The following NRXN2 variants were observed in gnomAD, a reference collection of about 807,000 sequenced individuals.
The protein encoded by NRXN2 is neurexin-2-beta.
NRXN2 carries 29 observed loss-of-function variants against 128.8 expected under a neutral mutation model. The observed-to-expected ratio is 0.23, with a 90% CI of 0.17 to 0.31. The LOEUF is 0.31. NRXN2 is among the 10% of genes least tolerant of loss of function. The pLI is 1.00. For missense variants in NRXN2, 1,881 were observed against 2,452.6 expected, an observed-to-expected ratio of 0.77 and a Z score of 4.92; for synonymous variants, 1,098 against 1,075.2, an observed-to-expected ratio of 1.02 and a Z score of -0.41.
At chr11:64,672,676 C>A (rs1237453551) in intron 7 of NRXN2, among the ~76,000 whole-genome samples, 1 of 152,064 alleles carries the variant, frequency 6.6e-6, no homozygotes, top group Non-Finnish European at 1.5e-5. Flanking sequence ...GTCCTGGCAT[C>A]CCCTTAGGAT....
At position 64,667,382 on chromosome 11, in the gene NRXN2, T is replaced by C; in HGVS notation, c.1666A>G (p.Met556Val). 1.2e-6 allele frequency: 2 copies of C among 1,614,144 alleles called. No homozygotes were observed. Among genetic ancestry groups the C allele is most frequent in the South Asian group, 1.1e-5 (1 of 91,084 alleles). ...SSAQRADYFA[M>V]ELLDGHLYLL... ...TAGAGGTGGCCGTCCAATAGCTCCATGGCAAAGTAGTCGGCCCGCTGAGCA... is the reference window on the plus strand; with the variant it reads ...TAGAGGTGGCCGTCCAATAGCTCCACGGCAAAGTAGTCGGCCCGCTGAGCA... The change falls in exon 9 of 23, where the codon ATG becomes GTG. Residue 556 changes from methionine (M) to valine (V), a missense_variant. Physicochemically the swap from Met to Val is conservative, Grantham distance 21 (BLOSUM62 1). This residue lies in a region of NRXN2 where 997 missense variants were observed against 1,240.8 expected (regional missense o/e 0.80). Coordinates refer to ENST00000265459, the MANE Select transcript of NRXN2 (RefSeq NM_015080.4). The surrounding 1 kb of genome is among the most constrained non-coding windows in gnomAD (Gnocchi z 5.6).
chr11:64,702,077 T>C (rs2055521220), intron 2 of NRXN2, among the ~76,000 whole-genome samples: 1 of 132,774 alleles, frequency 7.5e-6, no homozygotes, highest in Non-Finnish European at 1.6e-5. Context: ...CCGCCCCTAC[T>C]GGGAAGTGAG....
At chr11:64,642,664 G>T (rs1023055351) in intron 17 of NRXN2, 1 of 1,574,902 alleles carries the variant, frequency 6.3e-7, no homozygotes. Context: ...CCCCTCGGCC[G>T]CCCCCAGCAG....
At chr11:64,683,334 T>C (rs980372657) in intron 6 of NRXN2, among the ~76,000 whole-genome samples, 9 of 152,084 alleles carry the variant, frequency 5.9e-5, no homozygotes, top group South Asian at 2.1e-4. Flanking sequence ...AGAAACTTGA[T>C]TGAGGCCAGG....
At chr11:64,676,924 G>C in intron 7 of NRXN2, 69 bp downstream of exon 7, 2 of 1,304,942 alleles carry the variant, frequency 1.5e-6, no homozygotes, top group Non-Finnish European at 2.2e-6. Flanking sequence ...GGAAACAAAA[G>C]AGGGAGAATC....
Position 64,607,352 on chromosome 11 carries a change from G to A in NRXN2, c.4983C>T (p.Arg1661=). 2 of 1,613,960 alleles carry A rather than the reference G, an allele frequency of 1.2e-6. No individual in the cohort carries two copies. Among genetic ancestry groups the A allele is most frequent in the Non-Finnish European group, 1.7e-6 (2 of 1,179,976 alleles). Residue 1661 remains arginine (R), a synonymous_variant, in exon 23 of 23, where the codon CGC becomes CGT. Transcript: ENST00000265459. ...CCTGGTAGGAGCCCTCATCACGATT[G>A]CGGTACTTATACATGGCGTAGAGGA... ...LILLYAMYKY[R]NRDEGSYQVD...
Position 64,643,342 on chromosome 11 carries a change from A to T in NRXN2, c.3403+4877T>A, listed in dbSNP as rs2046060379. 4 of 795,068 alleles carry T rather than the reference A, an allele frequency of 5.0e-6. No homozygotes were observed. The South Asian group carries it at 2.4e-4, about 48-fold the overall frequency. The allele number at this position is 795,068 out of a possible 1,614,324, so 49.3% of individuals were successfully genotyped here. ...CTGCCGCCCGACGGAGGCCGGGGGA[A>T]AGGAGGGAGCGGCCGGGGGAGGGGG... On this transcript the variant is annotated intron_variant, in intron 17 of 22. Coordinates refer to ENST00000265459, the MANE Select transcript of NRXN2 (RefSeq NM_015080.4).
At chr11:64,668,235 T>G (rs777753269) in intron 8 of NRXN2, among the ~76,000 whole-genome samples, 1 of 152,146 alleles carries the variant, frequency 6.6e-6, no homozygotes, top group Non-Finnish European at 1.5e-5. Context: ...TCTATGAGGA[T>G]AGGGGTTTCC....
intron 2 of NRXN2, among the ~76,000 whole-genome samples, chr11:64,699,981 G>A (rs1402079311): frequency 6.6e-6 from 1 of 152,194 alleles, no homozygotes; most frequent in Non-Finnish European, 1.5e-5. Flanking sequence ...CTATGCTCAG[G>A]AAGGTGAAAC....
intron 22 of NRXN2, among the ~76,000 whole-genome samples, chr11:64,613,433 G>A (rs2040983702): frequency 6.6e-6 from 1 of 152,244 alleles, no homozygotes; most frequent in South Asian, 2.1e-4. Context: ...CCTTCTCCTG[G>A]GAAGCAAGAC....
Position 64,667,537 on chromosome 11 carries a change from A to C in NRXN2, c.1511T>G (p.Val504Gly). 6.2e-7 allele frequency: 1 copy of C among 1,614,144 alleles called. No homozygotes were observed. Among genetic ancestry groups the C allele is most frequent in the Middle Eastern group, 1.6e-4 (1 of 6,062 alleles). The change falls in exon 9 of 23, where the codon GTG becomes GGG. Residue 504 changes from valine (V) to glycine (G), a missense_variant. Transcript: ENST00000265459. The surrounding 1 kb of genome is among the most constrained non-coding windows in gnomAD (Gnocchi z 5.6). ...CTTAGCGCTCCAGCGGGGCAGCGCC[A>C]CAAAGGCCTCGGGACTCTCAAAGGT... The part of the protein sequence containing the change: ...PVTFESPEAF[V>G]ALPRWSAKRT...
rs1040610334 is a variant in NRXN2, at chr11:64,679,636, C to CA, written c.1153-2600dup. Among the ~76,000 whole-genome samples the CA allele has an allele frequency of 5.4e-4, 74 of 136,162 alleles. No homozygotes were observed. The East Asian group carries it at 5.7e-3, about 10-fold the overall frequency. 89.3% of individuals were successfully genotyped at this position (136,162 alleles called of 152,430 possible). On this transcript the variant is annotated intron_variant, in intron 6 of 22. Transcript: ENST00000265459. ...TGGGTGACAGAGCGAGACTCTGTCT[C>CA]AAAAAAAAAAAGAATCAGGATTGAG...
In NRXN2 at chr11:64,711,552, C is replaced by G. The variant is rs1033046067; in HGVS notation, c.730+1418G>C. Among the ~76,000 whole-genome samples the G allele has an allele frequency of 2.6e-5, 4 of 152,084 alleles. 1 individual carries two copies. The highest frequency in any genetic ancestry group is 5.9e-5 in the Non-Finnish European group (4 of 68,002). On this transcript the variant is annotated intron_variant, in intron 2 of 22. Transcript: ENST00000265459. ...CAGCCCAGGACCCGCCCGCACTTCA[C>G]CACTTCACGGTCTTGGCCAGACTCT...
chr11:64,647,832 T>C (rs2046928836), intron 17 of NRXN2, among the ~76,000 whole-genome samples: 1 of 152,240 alleles, frequency 6.6e-6, no homozygotes, highest in Non-Finnish European at 1.5e-5. Flanking sequence ...CCCTGTGCAA[T>C]AGTGTGTCTG....
At chr11:64,666,799 C>T (rs895962635) in intron 9 of NRXN2, among the ~76,000 whole-genome samples, 1 of 151,584 alleles carries the variant, frequency 6.6e-6, no homozygotes, top group Admixed American at 6.6e-5. Flanking sequence ...TCCTGACCTC[C>T]TGATCTGCCC....
Position 64,661,031 on chromosome 11 carries a change from C to T in NRXN2, c.1907G>A (p.Arg636Gln), listed in dbSNP as rs573064828. Reference protein sequence around the residue: ...LYLGGLPEGGRVDLPLPPEVW... With the variant: ...LYLGGLPEGGQVDLPLPPEVW... The stretch of plus-strand genomic sequence containing the variant: ...CTCTGGGGGCAGGGGCAGGTCCACC[C>T]GGCCCCCCTCAGGGAGACCGCCCAG... The change falls in exon 10 of 23, where the codon CGG becomes CAG. Residue 636 changes from arginine (R) to glutamine (Q), a missense_variant. Arg to Gln is a conservative substitution (Grantham distance 43). Transcript: ENST00000265459. 1.1e-5 allele frequency: 18 copies of T among 1,613,512 alleles called. No homozygotes were observed. The highest frequency in any genetic ancestry group is 7.7e-5 in the South Asian group (7 of 91,078).
intron 17 of NRXN2, among the ~76,000 whole-genome samples, chr11:64,637,686 C>T (rs1436922796): frequency 6.6e-6 from 1 of 152,128 alleles, no homozygotes; most frequent in Non-Finnish European, 1.5e-5. Flanking sequence ...CAGGGCCTCC[C>T]ATTCAGAGAA....
At chr11:64,693,224 G>T (rs1478124386) in intron 3 of NRXN2, among the ~76,000 whole-genome samples, 1 of 150,666 alleles carries the variant, frequency 6.6e-6, no homozygotes, top group Non-Finnish European at 1.5e-5. Context: ...AGGAGATTTT[G>T]GTTTCTTTTT....
At chr11:64,641,487 G>A (rs2045657899) in intron 17 of NRXN2, among the ~76,000 whole-genome samples, 1 of 152,040 alleles carries the variant, frequency 6.6e-6, no homozygotes, top group Non-Finnish European at 1.5e-5. Flanking sequence ...AAGAGGGCCA[G>A]ATGTAGAAGG....
Sources: gnomAD v4.1 joint callset for allele counts (sites outside exome capture counted in the v4.1 genomes callset) on GRCh38, gnomAD v4.1.1 for gene constraint, gnomAD v4.1.1 regional missense constraint, Gnocchi (gnomAD v3.1) non-coding constraint, MANE v1.5 for transcripts, NCBI Gene and HGNC (gene_info 2026-07-23, HGNC 2026-07-21) for gene names.